CTHRC1: variants seen among roughly 807,000 people sequenced by gnomAD.
The protein encoded by CTHRC1 is collagen triple helix repeat containing 1.
Under a neutral mutation model 25.9 loss-of-function variants are expected in CTHRC1, and 21 were observed. The observed-to-expected ratio is 0.81, with a 90% confidence interval of 0.57 to 1.17. The LOEUF is 1.17. Ranked by LOEUF, CTHRC1 falls within the 50% of genes most tolerant of loss-of-function variation. CTHRC1 has a pLI of 0.00. For synonymous variants in CTHRC1, 109 were observed against 113.1 expected (o/e 0.96, Z 0.23); for missense variants, 281 against 304.3 (o/e 0.92, Z 0.57).
rs1815843199 is a variant in CTHRC1 at position 103,378,173 on chromosome 8, A to G, written c.519A>G (p.Glu173=). ...AATGTTCAGGACCTCTTCCCATTGA[A>G]GCTATAATTTATTTGGACCAAGGAA... ...GAECSGPLPI[E]AIIYLDQGSP... The change falls in exon 3 of 4, where the codon GAA becomes GAG. Residue 173 remains glutamate, a synonymous_variant. Transcript: ENST00000330295. 1 of 1,614,182 alleles carries G rather than the reference A, an allele frequency of 6.2e-7. No individual in the cohort carries two copies. The highest frequency in any genetic ancestry group is 8.5e-7 in the Non-Finnish European group (1 of 1,180,026).
chr8:103,378,286 G>A, intron 3 of CTHRC1, 43 bp downstream of exon 3: 12 of 1,517,180 alleles, frequency 7.9e-6, no homozygotes, highest in Non-Finnish European at 1.1e-5. Flanking sequence ...TCAGATCTAA[G>A]TAAGATTAGT....
At chr8:103,375,643 A>T in intron 1 of CTHRC1, 95 bp from the exon 2 acceptor site, 1 of 1,030,524 alleles carries the variant, frequency 9.7e-7, no homozygotes, top group South Asian at 1.3e-5. Context: ...GGGATTCTTG[A>T]CTCCAAGGGC....
chr8:103,371,849 G>A (rs1482069803), intron 1 of CTHRC1, 43 bp downstream of exon 1: 2 of 1,469,410 alleles, frequency 1.4e-6, no homozygotes, highest in South Asian at 1.4e-5. Context: ...CGCTGGTGGA[G>A]GGGACCTGGC....
At chr8:103,373,490 G>A (rs1815749844) in intron 1 of CTHRC1, among the ~76,000 whole-genome samples, 1 of 151,090 alleles carries the variant, frequency 6.6e-6, no homozygotes, top group African/African-American at 2.4e-5. Flanking sequence ...CTAAGCATAT[G>A]TTGGGTTAGC....
chr8:103,371,793 A>C lies in CTHRC1; in HGVS notation c.137A>C (p.Glu46Ala), dbSNP rs1249800944. 6.5e-7 allele frequency: 1 copy of C among 1,530,798 alleles called. No individual in the cohort carries two copies. The highest frequency in any genetic ancestry group is 1.2e-5 in the South Asian group (1 of 81,786). The allele number at this position is 1,530,798 out of a possible 1,614,324, so 94.8% of individuals were successfully genotyped here. A position where few individuals can be genotyped will look rare whatever the true frequency, so the allele number is the denominator to read the frequency against. Reference protein sequence around the residue: ...GKQKAQLRQREVVDLYNGMCL... With the variant: ...GKQKAQLRQRAVVDLYNGMCL... ...CAAAAGGCGCAGCTCCGGCAGAGGG[A>C]GGTGGTGGACCTGGTGAGTCCGAGG... The change falls in exon 1 of 4, where the codon GAG (glutamate) becomes GCG (alanine). Residue 46 changes from glutamate to alanine, a missense_variant. Physicochemically the swap from Glu to Ala is moderately radical, Grantham distance 107. Transcript: ENST00000330295.
At chr8:103,378,358 C>G in intron 3 of CTHRC1, 115 bp downstream of exon 3, 1 of 795,194 alleles carries the variant, frequency 1.3e-6, no homozygotes, top group Non-Finnish European at 2.1e-6. Flanking sequence ...AGCAAGTTTT[C>G]AATGCATGAT....
At chr8:103,372,710 G>A in intron 1 of CTHRC1, 1 of 1,507,990 alleles carries the variant, frequency 6.6e-7, no homozygotes, top group Non-Finnish European at 9.1e-7. Context: ...CCCAGTGGAG[G>A]GCGGAGAGGT....
At chr8:103,377,604 GTTTAT>G (rs147914468) in intron 2 of CTHRC1, among the ~76,000 whole-genome samples, 13,141 of 152,046 alleles carry the variant, frequency 0.086, 691 homozygotes, top group East Asian at 0.18. Flanking sequence ...CTTTATTTTT[GTTTAT>G]TTTAATTTTT....
In CTHRC1 at chr8:103,371,685, C is replaced by A. The variant is rs1208504536; in HGVS notation, c.29C>A (p.Pro10Gln). The A allele has an allele frequency of 2.0e-6, 3 of 1,533,472 alleles. No individual in the cohort carries two copies. In the South Asian group the frequency reaches 3.6e-5, roughly 19 times the overall value. 95.0% of individuals were successfully genotyped at this position (1,533,472 alleles called of 1,614,324 possible). ...CGACCCCAGGGCCCCGCCGCCTCCC[C>A]GCAGCGGCTCCGCGGCCTCCTGCTG... The part of the protein sequence containing the change: MRPQGPAAS[P>Q]QRLRGLLLLL... Residue 10 changes from proline to glutamine, a missense_variant, in exon 1 of 4, where the codon CCG (proline) becomes CAG (glutamine). Transcript: ENST00000330295.
At chr8:103,380,417 C>T (rs1464348761) in intron 3 of CTHRC1, among the ~76,000 whole-genome samples, 1 of 152,132 alleles carries the variant, frequency 6.6e-6, no homozygotes. Context: ...ACCTCTGTAA[C>T]AGAATCACTT....
intron 1 of CTHRC1, among the ~76,000 whole-genome samples, chr8:103,372,228 C>T (rs1309727825): frequency 6.6e-6 from 1 of 152,168 alleles, no homozygotes; most frequent in Non-Finnish European, 1.5e-5. Context: ...TCACATGGAC[C>T]TGGGCCTGGG....
intron 3 of CTHRC1, among the ~76,000 whole-genome samples, chr8:103,379,900 C>A (rs150381276): frequency 2.0e-5 from 3 of 152,148 alleles, no homozygotes; most frequent in Non-Finnish European, 4.4e-5. Flanking sequence ...GAGATTTTAA[C>A]CCCCTCTCTT....
At chr8:103,372,503 G>C in intron 1 of CTHRC1, 4 of 1,597,656 alleles carry the variant, frequency 2.5e-6, no homozygotes, top group Non-Finnish European at 3.4e-6. Context: ...TTTTGCTTCT[G>C]TTTAAACCAA....
rs1473306349 is a variant in CTHRC1, at chr8:103,371,568, C to T, written c.-89C>T. ...GCGCATTGATGCAGCCTGCGGCGGC[C>T]TCGGAGCGCGGCGGAGCCAGACGCT... On this transcript the variant is annotated 5_prime_UTR_variant, in exon 1 of 4. Transcript: ENST00000330295. 2.1e-5 allele frequency: 30 copies of T among 1,422,062 alleles called. No homozygotes were observed. In the East Asian group the frequency reaches 6.2e-4, roughly 29 times the overall value. 88.1% of individuals were successfully genotyped at this position (1,422,062 alleles called of 1,614,324 possible). A position where few individuals can be genotyped will look rare whatever the true frequency, so the allele number is the denominator to read the frequency against.
At chr8:103,382,338 T>C (rs1364490361) in intron 3 of CTHRC1, 120 bp from the exon 4 acceptor site, 3 of 991,736 alleles carry the variant, frequency 3.0e-6, no homozygotes, top group Middle Eastern at 2.4e-4. Context: ...AGTATTAAAA[T>C]TTTTAAGTAG....
At chr8:103,377,500 T>C (rs540356293) in intron 2 of CTHRC1, among the ~76,000 whole-genome samples, 7 of 152,354 alleles carry the variant, frequency 4.6e-5, no homozygotes, top group African/African-American at 1.4e-4. Flanking sequence ...GGCGAAAAGT[T>C]CTGAGAAAGC....
intron 3 of CTHRC1, among the ~76,000 whole-genome samples, chr8:103,380,447 C>A (rs969759941): frequency 1.8e-4 from 28 of 152,118 alleles, no homozygotes; most frequent in Non-Finnish European, 3.4e-4. Flanking sequence ...TACTGATAGT[C>A]TCTCTTAAGG....
At chr8:103,381,492 G>T (rs931918917) in intron 3 of CTHRC1, among the ~76,000 whole-genome samples, 2 of 146,992 alleles carry the variant, frequency 1.4e-5, no homozygotes, top group Non-Finnish European at 3.0e-5. Context: ...GAAGACTTTG[G>T]TAAGATGGAA....
At chr8:103,379,430 A>G (rs552936154) in intron 3 of CTHRC1, among the ~76,000 whole-genome samples, 3 of 152,004 alleles carry the variant, frequency 2.0e-5, no homozygotes, top group African/African-American at 7.2e-5. Flanking sequence ...TTCTATTTTA[A>G]GATTCATTAA....
Sources: gnomAD v4.1 joint callset for allele counts (sites outside exome capture counted in the v4.1 genomes callset) on GRCh38, gnomAD v4.1.1 for gene constraint, MANE v1.5 for transcripts, NCBI Gene and HGNC (gene_info 2026-07-23, HGNC 2026-07-21) for gene names.